The following DLGAP1 variants were observed in gnomAD, a reference collection of about 807,000 sequenced individuals.
DLGAP1 encodes DLG associated protein 1.
In DLGAP1, 11 loss-of-function variants were observed where a neutral mutation model predicts 90.8. That is an observed-to-expected ratio of 0.12 (90% CI 0.08 to 0.20). The LOEUF is 0.20. Among genes scored for constraint, DLGAP1 ranks in the 10% least tolerant of loss-of-function variants. The pLI is 1.00. For synonymous variants in DLGAP1, 558 were observed against 540.7 expected (o/e 1.03, Z -0.44); for missense variants, 1,050 against 1,333.8 (o/e 0.79, Z 3.31).
At chr18:4,253,749 G>A (rs1371875119) in intron 1 of DLGAP1, among the ~76,000 whole-genome samples, 2 of 152,172 alleles carry the variant, frequency 1.3e-5, no homozygotes, top group African/African-American at 2.4e-5. Context: ...TATCCATGGC[G>A]ATCACAATTA....
chr18:3,671,543 T>C (rs905160189), intron 7 of DLGAP1, among the ~76,000 whole-genome samples: 1 of 152,244 alleles, frequency 6.6e-6, no homozygotes, highest in Non-Finnish European at 1.5e-5. Context: ...TCCTGCTTCA[T>C]GGCTGCACTT....
chr18:4,212,599 C>A (rs1321746972), intron 1 of DLGAP1, among the ~76,000 whole-genome samples: 5 of 143,922 alleles, frequency 3.5e-5, no homozygotes, highest in Non-Finnish European at 7.5e-5. Flanking sequence ...CTGCTGCACT[C>A]CAGCCTGGGT....
At chr18:3,566,986 G>A (rs1418060104) in intron 9 of DLGAP1, among the ~76,000 whole-genome samples, 1 of 152,092 alleles carries the variant, frequency 6.6e-6, no homozygotes, top group Non-Finnish European at 1.5e-5. Flanking sequence ...TCTAAAGTAG[G>A]TAAAGAGTAA....
rs181062674 is a variant in DLGAP1 at position 3,559,611 on chromosome 18, C to T, written c.2057+7879G>A. The stretch of plus-strand genomic sequence containing the variant: ...TAGAGTTTGCATTATGCATTTACCA[C>T]GAATCCAATCCACTTTTTTTTTTTT... On this transcript the variant is annotated intron_variant, in intron 9 of 12. Coordinates refer to ENST00000315677, the MANE Select transcript of DLGAP1 (RefSeq NM_004746.4). Among the ~76,000 whole-genome samples, 21 of 149,130 alleles carry T rather than the reference C, an allele frequency of 1.4e-4. No individual in the cohort carries two copies. In the East Asian group the frequency reaches 3.1e-3, roughly 22 times the overall value.
rs71368742 is a variant in DLGAP1, at chr18:4,348,400, A to ATGTGTATGTGTGTGTGTGTGTGTGTG, written c.-267+106605_-267+106606insCACACACACACACACACACATACACA. On this transcript the variant is annotated intron_variant, in intron 1 of 12. Coordinates refer to ENST00000315677, the MANE Select transcript of DLGAP1 (RefSeq NM_004746.4). The stretch of plus-strand genomic sequence containing the variant: ...CAGGTGCCTCAGGATGAACTCAGGA[A>ATGTGTATGTGTGTGTGTGTGTGTGTG]TGTGTGTGTGTGTGTGTGTGTGTGT... 2.4e-3 allele frequency among the ~76,000 whole-genome samples: 321 copies of ATGTGTATGTGTGTGTGTGTGTGTGTG among 133,550 alleles called. 7 individuals are homozygous for ATGTGTATGTGTGTGTGTGTGTGTGTG. Among genetic ancestry groups the ATGTGTATGTGTGTGTGTGTGTGTGTG allele is most frequent in the African/African-American group, 8.7e-3 (286 of 32,706 alleles). The allele number at this position is 133,550 out of a possible 152,430, so 87.6% of individuals were successfully genotyped here.
chr18:4,376,918 C>T (rs894970070), intron 1 of DLGAP1, among the ~76,000 whole-genome samples: 3 of 152,138 alleles, frequency 2.0e-5, no homozygotes, highest in Non-Finnish European at 4.4e-5. Flanking sequence ...ATTTCCTTGA[C>T]AATGGTTATC....
chr18:3,721,244 AT>A (rs987905583), intron 7 of DLGAP1, among the ~76,000 whole-genome samples: 1 of 152,120 alleles, frequency 6.6e-6, no homozygotes, highest in Non-Finnish European at 1.5e-5. Context: ...TTAGTTTAGT[AT>A]TTTTTTACTT....
chr18:3,959,962 C>A (rs2073165038), intron 3 of DLGAP1, among the ~76,000 whole-genome samples: 1 of 152,148 alleles, frequency 6.6e-6, no homozygotes, highest in Non-Finnish European at 1.5e-5. Flanking sequence ...TTCAAGAGCT[C>A]AACAGCTGCA....
intron 2 of DLGAP1, among the ~76,000 whole-genome samples, chr18:4,105,816 G>A (rs996310511): frequency 6.6e-6 from 1 of 151,884 alleles, no homozygotes; most frequent in Non-Finnish European, 1.5e-5. Context: ...GGATCATGAG[G>A]TCAGGAGATC....
rs1235584121 is a variant in DLGAP1, at chr18:3,700,887, G to C, written c.1591+28248C>G. Among the ~76,000 whole-genome samples the C allele has an allele frequency of 2.0e-5, 3 of 151,008 alleles. No homozygotes were observed. In the East Asian group the frequency reaches 5.9e-4, roughly 30 times the overall value. On this transcript the variant is annotated intron_variant, in intron 7 of 12. Transcript: ENST00000315677. Reference sequence around the variant, plus strand: ...GCCTCCCAAAATGGTGGAATTACAGGGGTGAGCCATCACGCCCAGCCGACT... The same window carrying C: ...GCCTCCCAAAATGGTGGAATTACAGCGGTGAGCCATCACGCCCAGCCGACT...
chr18:4,202,199 T>G lies in DLGAP1; in HGVS notation c.-266-50912A>C, dbSNP rs78317827. ...ATAAAAAGAATAAAAGAATGTTTTT[T>G]GCAGGAACTTGGATAAAACTGGAGT... On this transcript the variant is annotated intron_variant, in intron 1 of 12. Transcript: ENST00000315677. 8.7e-3 allele frequency among the ~76,000 whole-genome samples: 1,322 copies of G among 152,202 alleles called. 10 individuals carry two copies. Among genetic ancestry groups the G allele is most frequent in the Non-Finnish European group, 0.013 (890 of 67,998 alleles).
At chr18:4,116,536 T>C (rs1335232357) in intron 2 of DLGAP1, among the ~76,000 whole-genome samples, 5 of 152,148 alleles carry the variant, frequency 3.3e-5, no homozygotes, top group African/African-American at 1.2e-4. Flanking sequence ...CTGTTTATTT[T>C]TCCTCATTCT....
At chr18:3,983,635 A>C (rs1289201826) in intron 3 of DLGAP1, 2 of 152,258 alleles carry the variant, frequency 1.3e-5, no homozygotes, top group Non-Finnish European at 2.9e-5. Flanking sequence ...AACTGAACAA[A>C]GAATGATTAA....
chr18:3,843,753 TA>T (rs1309536936), intron 4 of DLGAP1, among the ~76,000 whole-genome samples: 1 of 152,084 alleles, frequency 6.6e-6, no homozygotes, highest in Non-Finnish European at 1.5e-5. Flanking sequence ...AACATTTAAG[TA>T]TAAATAGGTA....
At chr18:4,210,340 A>T (rs1402632) in intron 1 of DLGAP1, among the ~76,000 whole-genome samples, 6 of 151,950 alleles carry the variant, frequency 3.9e-5, no homozygotes, top group African/African-American at 1.2e-4. Context: ...AATAATCAGA[A>T]ATATTAAGTT....
At chr18:4,221,108 G>A (rs1038124478) in intron 1 of DLGAP1, among the ~76,000 whole-genome samples, 1 of 152,058 alleles carries the variant, frequency 6.6e-6, no homozygotes, top group Non-Finnish European at 1.5e-5. Flanking sequence ...CAATGAACTT[G>A]CTTGGCAATA....
At chr18:4,021,659 G>A (rs372602881) in intron 2 of DLGAP1, among the ~76,000 whole-genome samples, 3 of 151,940 alleles carry the variant, frequency 2.0e-5, no homozygotes, top group Non-Finnish European at 4.4e-5. Flanking sequence ...GTGCAATGGC[G>A]CGATCTTGGC....
chr18:4,397,595 T>C (rs200764928), intron 1 of DLGAP1, among the ~76,000 whole-genome samples: 1 of 152,148 alleles, frequency 6.6e-6, no homozygotes, highest in African/African-American at 2.4e-5. Flanking sequence ...TTATTGCACC[T>C]TACAGAGATA....
At chr18:3,858,481 T>TATATATATATACGTGTATATATAC (rs2069796588) in intron 4 of DLGAP1, among the ~76,000 whole-genome samples, 1 of 149,242 alleles carries the variant, frequency 6.7e-6, no homozygotes, top group African/African-American at 2.5e-5. Context: ...GGGAAACATA[T>TATATATATATACGTGTATATATAC]ATATATATAC....
Sources: allele counts gnomAD v4.1 joint callset (sites outside exome capture counted in the v4.1 genomes callset), GRCh38; gene constraint gnomAD v4.1.1; transcripts MANE v1.5; gene names NCBI Gene and HGNC (gene_info 2026-07-23, HGNC 2026-07-21).